Variants in DPP10 observed in about 807,000 individuals in gnomAD.
DPP10 encodes the protein inactive dipeptidyl peptidase 10.
In DPP10, 33 loss-of-function variants were observed where a neutral mutation model predicts 120.9. The ratio of observed to expected loss-of-function variants is 0.27; its 90% CI spans 0.21 to 0.37. The LOEUF (loss-of-function observed/expected upper bound fraction) is 0.37, where lower values mean the gene tolerates loss of function less well. Among genes scored for constraint, DPP10 ranks in the 10% least tolerant of loss-of-function variants. The pLI, the probability that DPP10 is intolerant of heterozygous loss-of-function variation, is 1.00. For synonymous variants in DPP10, 337 were observed against 326.1 expected (o/e 1.03, Z -0.36); for missense variants, 816 against 942.8 (o/e 0.87, Z 1.76).
chr2:114,891,947 G>C (rs560115432), intron 1 of DPP10, among the ~76,000 whole-genome samples: 1 of 152,250 alleles, frequency 6.6e-6, no homozygotes, highest in South Asian at 2.1e-4. Context: ...CTGTCTGTCT[G>C]TCTGTCTGTC....
intron 1 of DPP10, among the ~76,000 whole-genome samples, chr2:114,495,918 T>A (rs773011219): frequency 2.0e-5 from 3 of 152,224 alleles, no homozygotes; most frequent in Non-Finnish European, 4.4e-5. Context: ...TTACCTTCTC[T>A]CTTTTCACAA....
chr2:115,701,228 A>C (rs2091875171), intron 7 of DPP10, among the ~76,000 whole-genome samples: 1 of 152,088 alleles, frequency 6.6e-6, no homozygotes, highest in African/African-American at 2.4e-5. Context: ...ACATAAATTA[A>C]CTGTGCTGGT....
At chr2:115,221,497 A>G (rs1372045990) in intron 1 of DPP10, among the ~76,000 whole-genome samples, 3 of 152,164 alleles carry the variant, frequency 2.0e-5, no homozygotes, top group Non-Finnish European at 1.5e-5. Flanking sequence ...GAGAGTTAAT[A>G]ATAAAAGGGG....
chr2:114,454,742 G>C (rs1678471327), intron 1 of DPP10, among the ~76,000 whole-genome samples: 2 of 151,920 alleles, frequency 1.3e-5, no homozygotes, highest in African/African-American at 4.8e-5. Context: ...AAGACGACTT[G>C]CTTTGTCCTT....
chr2:115,838,170 T>G (rs1358343919), intron 24 of DPP10, among the ~76,000 whole-genome samples: 1 of 152,152 alleles, frequency 6.6e-6, no homozygotes, highest in Non-Finnish European at 1.5e-5. Flanking sequence ...GTATTAATAG[T>G]CTATTAAAGA....
chr2:115,258,917 G>A (rs1458103371), intron 1 of DPP10, among the ~76,000 whole-genome samples: 1 of 152,116 alleles, frequency 6.6e-6, no homozygotes, highest in Non-Finnish European at 1.5e-5. Flanking sequence ...AAATAATTGT[G>A]CTTACATATT....
At chr2:114,786,794 G>A (rs1193429157) in intron 1 of DPP10, among the ~76,000 whole-genome samples, 1 of 152,148 alleles carries the variant, frequency 6.6e-6, no homozygotes, top group Non-Finnish European at 1.5e-5. Context: ...TGGTGTTCTG[G>A]TCAAAAAAGC....
chr2:115,257,448 G>T (rs113312237), intron 1 of DPP10, among the ~76,000 whole-genome samples: 9 of 152,162 alleles, frequency 5.9e-5, no homozygotes, highest in Admixed American at 3.3e-4. Context: ...GAAGGCAAGG[G>T]GGAAGCAGGC....
At chr2:114,467,399 A>G (rs955016762) in intron 1 of DPP10, among the ~76,000 whole-genome samples, 9 of 152,210 alleles carry the variant, frequency 5.9e-5, no homozygotes, top group Non-Finnish European at 8.8e-5. Flanking sequence ...ACATTTTTTA[A>G]GATTTTTATT....
At chr2:114,572,827 T>G (rs1558894124) in intron 1 of DPP10, among the ~76,000 whole-genome samples, 1 of 152,238 alleles carries the variant, frequency 6.6e-6, no homozygotes, top group Non-Finnish European at 1.5e-5. Context: ...AGTTGAGTGG[T>G]CATGCTGAGA....
chr2:114,773,455 G>A (rs191234507), intron 1 of DPP10, among the ~76,000 whole-genome samples: 2 of 149,134 alleles, frequency 1.3e-5, no homozygotes, highest in East Asian at 2.0e-4. Flanking sequence ...CACTCATCAC[G>A]GACTTTTAGT....
chr2:115,656,133 AACACACACACACAC>A (rs146572509), intron 5 of DPP10, among the ~76,000 whole-genome samples: 15 of 143,322 alleles, frequency 1.0e-4, no homozygotes, highest in African/African-American at 2.8e-4. Flanking sequence ...GTTCTTACCA[AACACACACACACAC>A]ACACACACAC....
chr2:114,814,124 A>T (rs1330136143), intron 1 of DPP10, among the ~76,000 whole-genome samples: 1 of 152,216 alleles, frequency 6.6e-6, no homozygotes, highest in Non-Finnish European at 1.5e-5. Context: ...AAAAGGTAAT[A>T]GGCATAGTCT....
intron 3 of DPP10, among the ~76,000 whole-genome samples, chr2:115,351,237 G>C (rs972239578): frequency 2.0e-5 from 3 of 152,094 alleles, no homozygotes; most frequent in African/African-American, 7.2e-5. Context: ...GGATGCAGCA[G>C]GAAGCCATTA....
At chr2:114,943,213 T>A (rs1342279016) in intron 1 of DPP10, among the ~76,000 whole-genome samples, 1 of 152,200 alleles carries the variant, frequency 6.6e-6, no homozygotes, top group Non-Finnish European at 1.5e-5. Context: ...TCCATGTCCC[T>A]GCAAAGGACA....
intron 1 of DPP10, among the ~76,000 whole-genome samples, chr2:115,075,010 G>C (rs948155356): frequency 6.6e-6 from 1 of 152,172 alleles, no homozygotes; most frequent in Non-Finnish European, 1.5e-5. Flanking sequence ...TAAGCAGCAG[G>C]AGCGATGCCT....
chr2:114,590,306 GT>G lies in DPP10; in HGVS notation c.60+147473del, dbSNP rs142329390. ...AGTCTAAAAATGAATGATAGTTTATGTTTTTGTGTATGTTAACACTATGCTA... is the reference window on the plus strand; with the variant it reads ...AGTCTAAAAATGAATGATAGTTTATGTTTTGTGTATGTTAACACTATGCTA... On this transcript the variant is annotated intron_variant, in intron 1 of 25. Transcript: ENST00000410059. 2.4e-3 allele frequency among the ~76,000 whole-genome samples: 369 copies of G among 152,238 alleles called. 7 individuals are homozygous for G. In the East Asian group the frequency reaches 0.035, roughly 14 times the overall value.
chr2:115,350,588 A>T (rs767942990), intron 3 of DPP10, among the ~76,000 whole-genome samples: 5 of 152,058 alleles, frequency 3.3e-5, no homozygotes, highest in Non-Finnish European at 4.4e-5. Flanking sequence ...TTTCTCAGAG[A>T]TCTGTATGAA....
chr2:114,913,700 T>C (rs1417762722), intron 1 of DPP10, among the ~76,000 whole-genome samples: 1 of 152,192 alleles, frequency 6.6e-6, no homozygotes, highest in Non-Finnish European at 1.5e-5. Context: ...CTCCCAGCAA[T>C]GGTTCTTCCA....
Sources: allele counts gnomAD v4.1 joint callset (sites outside exome capture counted in the v4.1 genomes callset), GRCh38; gene constraint gnomAD v4.1.1; transcripts MANE v1.5; gene names NCBI Gene and HGNC (gene_info 2026-07-23, HGNC 2026-07-21).